Variants in SNED1 observed in about 807,000 individuals in gnomAD.
The protein encoded by SNED1 is sushi, nidogen and EGF-like domain-containing protein 1.
In SNED1, 81 loss-of-function variants were observed where a neutral mutation model predicts 166.7. The observed-to-expected ratio is 0.49, with a 90% CI of 0.41 to 0.58. The LOEUF (loss-of-function observed/expected upper bound fraction) is 0.58, where lower values mean the gene tolerates loss of function less well. SNED1 is among the 20% of genes least tolerant of loss of function. The probability of loss-of-function intolerance (pLI) is 0.00; values close to 1 mark genes in which losing one functional copy is unlikely to be tolerated. For missense variants in SNED1, 1,604 were observed against 2,000.2 expected (o/e 0.80, Z 3.78); for synonymous variants, 762 against 822.0 (o/e 0.93, Z 1.25).
intron 7 of SNED1, 43 bp downstream of exon 7, chr2:241,040,231 G>A: frequency 6.4e-7 from 1 of 1,569,328 alleles, no homozygotes; most frequent in African/African-American, 1.4e-5. Flanking sequence ...TCCTGCCCGT[G>A]GCCAGGTGCT....
At chr2:241,029,048 G>A (rs1257659923) in intron 1 of SNED1, among the ~76,000 whole-genome samples, 1 of 152,148 alleles carries the variant, frequency 6.6e-6, no homozygotes, top group African/African-American at 2.4e-5. Context: ...CCCCCTTAGT[G>A]CCCGTTCCAG....
chr2:241,082,409 T>C (rs748471428), intron 29 of SNED1, 45 bp downstream of exon 29: 1 of 1,462,946 alleles, frequency 6.8e-7, no homozygotes, highest in Non-Finnish European at 9.6e-7. Context: ...TGTCGTGTGT[T>C]CTTGACTCCT....
At chr2:241,057,724 C>T (rs1026374890) in intron 16 of SNED1, among the ~76,000 whole-genome samples, 1 of 151,996 alleles carries the variant, frequency 6.6e-6, no homozygotes, top group Non-Finnish European at 1.5e-5. Context: ...ACCTAAATAT[C>T]TTTATTCAGT....
intron 25 of SNED1, 24 bp downstream of exon 25, chr2:241,071,744 C>G: frequency 5.8e-6 from 9 of 1,539,158 alleles, no homozygotes; most frequent in South Asian, 1.2e-5. Context: ...CCATCGGCCC[C>G]ATCGCCCGAG....
chr2:241,028,180 A>G (rs2061042679), intron 1 of SNED1, among the ~76,000 whole-genome samples: 1 of 152,166 alleles, frequency 6.6e-6, no homozygotes, highest in South Asian at 2.1e-4. Flanking sequence ...TATTCAGGAT[A>G]TTAATCCTTT....
Position 241,051,761 on chromosome 2 carries a change from A to C in SNED1, c.1753A>C (p.Ser585Arg). Residue 585 changes from serine to arginine, a missense_variant, in exon 13 of 32, where the codon AGC (serine) becomes CGC (arginine). Coordinates refer to ENST00000310397, the MANE Select transcript of SNED1 (RefSeq NM_001080437.3). The surrounding 1 kb of genome is among the most constrained non-coding windows in gnomAD (Gnocchi z 4.7). ...HCEKARPHLC[S>R]SGPCRNGGTC... ...CCACACAGCCCGGCCACACCTGTGCAGCTCAGGGCCCTGCCGGAACGGGGG... is the reference window on the plus strand; with the variant it reads ...CCACACAGCCCGGCCACACCTGTGCCGCTCAGGGCCCTGCCGGAACGGGGG... 2 of 1,530,448 alleles carry C rather than the reference A, an allele frequency of 1.3e-6. No individual in the cohort carries two copies. Among genetic ancestry groups the C allele is most frequent in the Non-Finnish European group, 1.8e-6 (2 of 1,137,242 alleles). The allele number at this position is 1,530,448 out of a possible 1,614,324, so 94.8% of individuals were successfully genotyped here.
Position 241,026,060 on chromosome 2 carries a change from G to GGCT in SNED1, c.214-4222_214-4220dup, listed in dbSNP as rs1438956449. ...AGACAGAGTCTTGCTCTGTCACCCA[G>GGCT]GCTGGAGTGCAGTGGCACGATCTTG... On this transcript the variant is annotated intron_variant, in intron 1 of 31. Transcript: ENST00000310397. Among the ~76,000 whole-genome samples, 3 of 112,560 alleles carry GGCT rather than the reference G, an allele frequency of 2.7e-5. No homozygotes were observed. The East Asian group carries it at 9.5e-4, about 35-fold the overall frequency. The allele number at this position is 112,560 out of a possible 152,430, so 73.8% of individuals were successfully genotyped here.
Position 241,068,078 on chromosome 2 carries a change from G to A in SNED1, c.3194+131G>A. ...ACCTGCCGCTCCTCACCTGAGCGGA[G>A]ACAAAGGTCTCAGGTGAGCCAGCCT... On this transcript the variant is annotated intron_variant, in intron 22 of 31. Coordinates refer to ENST00000310397, the MANE Select transcript of SNED1 (RefSeq NM_001080437.3). This position sits in a 1 kb window ranked among gnomAD's most constrained non-coding sequence, Gnocchi z 5.3. 1 of 869,012 alleles carries A rather than the reference G, an allele frequency of 1.2e-6. No homozygotes were observed. Among genetic ancestry groups the A allele is most frequent in the Non-Finnish European group, 1.7e-6 (1 of 574,690 alleles). 53.8% of individuals were successfully genotyped at this position (869,012 alleles called of 1,614,324 possible).
intron 7 of SNED1, 28 bp downstream of exon 7, chr2:241,040,216 G>A: frequency 7.6e-6 from 12 of 1,574,890 alleles, no homozygotes; most frequent in Non-Finnish European, 1.0e-5. Flanking sequence ...GGATTGGAGA[G>A]GGGCTCCTGC....
At position 241,036,886 on chromosome 2, in the gene SNED1, C is replaced by G. The variant is rs1159962124; in HGVS notation, c.902C>G (p.Ser301Trp). 23 of 1,611,564 alleles carry G rather than the reference C, an allele frequency of 1.4e-5. No homozygotes were observed. The East Asian group carries it at 5.1e-4, about 36-fold the overall frequency. Residue 301 changes from serine (S) to tryptophan (W), a missense_variant, in exon 5 of 32, where the codon TCG (serine) becomes TGG (tryptophan). Ser to Trp is a radical substitution (Grantham distance 177). This residue lies in a region of SNED1 where 1,237 missense variants were observed against 1,620.8 expected (regional missense o/e 0.76). Transcript: ENST00000310397. ...CCCTCCTACACCTGCTCCTGCCTCT[C>G]GGGCTTCACGGGGCGGAGGTGCCAC... ...GNPSYTCSCL[S>W]GFTGRRCHLD...
chr2:241,058,383 GAAA>G (rs1039102184), intron 16 of SNED1, among the ~76,000 whole-genome samples: 2 of 151,250 alleles, frequency 1.3e-5, no homozygotes, highest in African/African-American at 4.9e-5. Flanking sequence ...CAGAAGTTAG[GAAA>G]AAAAATACGA....
chr2:241,084,153 T>TTTTTTTTA (rs2063467474), intron 29 of SNED1, among the ~76,000 whole-genome samples: 4 of 148,474 alleles, frequency 2.7e-5, no homozygotes, highest in African/African-American at 1.0e-4. Flanking sequence ...TTTTTTTTTT[T>TTTTTTTTA]GAGACAAAGT....
chr2:241,029,979 G>A (rs2061113968), intron 1 of SNED1, among the ~76,000 whole-genome samples: 1 of 152,246 alleles, frequency 6.6e-6, no homozygotes. Flanking sequence ...CTGAGGCCAG[G>A]GCCCAAAGGG....
At chr2:241,026,378 A>ATC (rs749850966) in intron 1 of SNED1, among the ~76,000 whole-genome samples, 14 of 152,104 alleles carry the variant, frequency 9.2e-5, no homozygotes, top group Non-Finnish European at 1.8e-4. Context: ...GATGTCTTTC[A>ATC]TCAGTTCTGG....
At chr2:241,020,498 C>T (rs1012531639) in intron 1 of SNED1, among the ~76,000 whole-genome samples, 1 of 152,366 alleles carries the variant, frequency 6.6e-6, no homozygotes, top group African/African-American at 2.4e-5. Flanking sequence ...TGAGCTTCCC[C>T]AAGGGGTAGC....
chr2:241,068,975 G>A lies in SNED1; in HGVS notation c.3259G>A (p.Glu1087Lys), dbSNP rs769168327. Reference sequence around the variant, plus strand: ...CACCCTCAGTGGGCTCAGGGGAGAGGAGCACCCCACAGAGAGCCTGGCCAC... The same window carrying A: ...CACCCTCAGTGGGCTCAGGGGAGAGAAGCACCCCACAGAGAGCCTGGCCAC... ...LTTLSGLRGE[E>K]HPTESLATAP... Residue 1087 changes from glutamate (E) to lysine (K), a missense_variant, in exon 23 of 32, where the codon GAG becomes AAG. Glu to Lys is a moderately conservative substitution (Grantham distance 56, BLOSUM62 1). Around this residue, in one of 2 missense-constraint regions of SNED1, gnomAD observed 1,237 missense variants for 1,620.8 expected, o/e 0.76. Transcript: ENST00000310397. The surrounding 1 kb of genome is among the most constrained non-coding windows in gnomAD (Gnocchi z 5.3). 23 of 1,556,938 alleles carry A rather than the reference G, an allele frequency of 1.5e-5. No homozygotes were observed. The highest frequency in any genetic ancestry group is 7.7e-5 in the Admixed American group (4 of 51,742).
chr2:241,070,270 A>T, intron 24 of SNED1, 69 bp downstream of exon 24: 2 of 1,477,578 alleles, frequency 1.4e-6, no homozygotes, highest in East Asian at 4.9e-5. Context: ...TTCAGGACTG[A>T]CCTGGCCCTG....
intron 4 of SNED1, 52 bp from the exon 5 acceptor site, chr2:241,036,738 T>TGC: frequency 1.9e-6 from 3 of 1,597,468 alleles, no homozygotes; most frequent in Non-Finnish European, 2.5e-6. Flanking sequence ...GTGGCTCTCC[T>TGC]GCCGAGTCCG....
In SNED1 at chr2:241,070,210, CG is replaced by C. The variant is rs753210476; in HGVS notation, c.3589+10del. The C allele has an allele frequency of 1.3e-6, 2 of 1,598,244 alleles. No homozygotes were observed. The highest frequency in any genetic ancestry group is 1.7e-6 in the Non-Finnish European group (2 of 1,174,818). On this transcript the variant is annotated intron_variant, in intron 24 of 31. Transcript: ENST00000310397. ...CCTCTACATCATCACCTGTGAGTGCCGTGGGCCCTGCGCGTGGGCGGGGCCA... is the reference window on the plus strand; with the variant it reads ...CCTCTACATCATCACCTGTGAGTGCCTGGGCCCTGCGCGTGGGCGGGGCCA...
Sources: allele counts gnomAD v4.1 joint callset (sites outside exome capture counted in the v4.1 genomes callset), GRCh38; gene constraint gnomAD v4.1.1; regional missense constraint gnomAD v4.1.1; non-coding constraint Gnocchi (gnomAD v3.1); transcripts MANE v1.5; gene names NCBI Gene and HGNC (gene_info 2026-07-23, HGNC 2026-07-21).